HNF1B: variants seen among roughly 807,000 people sequenced by gnomAD.
HNF1B encodes hepatocyte nuclear factor 1-beta.
HNF1B carries 8 observed loss-of-function variants against 61.7 expected under a neutral mutation model. The observed-to-expected ratio is 0.13, with a 90% CI of 0.08 to 0.23. The LOEUF is 0.23. HNF1B is among the 10% of genes least tolerant of loss of function. HNF1B has a pLI of 1.00. For missense variants in HNF1B, 562 were observed against 714.5 expected (o/e 0.79, Z 2.43); for synonymous variants, 314 against 287.7 (o/e 1.09, Z -0.93).
chr17:37,739,516 C>T lies in HNF1B; in HGVS notation c.468G>A (p.Lys156=). 1 of 1,614,102 alleles carries T rather than the reference C, an allele frequency of 6.2e-7. No individual in the cohort carries two copies. Among genetic ancestry groups the T allele is most frequent in the Non-Finnish European group, 8.5e-7 (1 of 1,180,022 alleles). The change falls in exon 2 of 9, where the codon AAG becomes AAA. Residue 156 remains lysine (K), a synonymous_variant. Transcript: ENST00000617811. ...GCTTCTGGGTCTTCATAGGGGTGCC[C>T]TTGTTGAGATGCTGGGAGAGGTGCG... ...NQSHLSQHLN[K]GTPMKTQKRA...
Position 37,733,793 on chromosome 17 carries a change from T to C in HNF1B, c.573A>G (p.Gly191=). 6.2e-7 allele frequency: 1 copy of C among 1,614,210 alleles called. No homozygotes were observed. The highest frequency in any genetic ancestry group is 8.5e-7 in the Non-Finnish European group (1 of 1,180,032). ...CCTGACTGCTTTTGTCTGTCATATT[T>C]CCAGAACTCTGGACTGTCTGGTTGA... The part of the protein sequence containing the change: ...RQFNQTVQSS[G]NMTDKSSQDQ... Residue 191 remains glycine, a synonymous_variant, in exon 3 of 9, where the codon GGA becomes GGG. Coordinates refer to ENST00000617811, the MANE Select transcript of HNF1B (RefSeq NM_000458.4).
At chr17:37,695,482 A>C (rs2032354144) in intron 8 of HNF1B, among the ~76,000 whole-genome samples, 2 of 152,212 alleles carry the variant, frequency 1.3e-5, no homozygotes, top group Non-Finnish European at 2.9e-5. Context: ...CACCCGCCCC[A>C]CACACAGAGT....
chr17:37,733,132 G>A (rs1459087604), intron 3 of HNF1B, among the ~76,000 whole-genome samples: 2 of 152,152 alleles, frequency 1.3e-5, no homozygotes, highest in African/African-American at 4.8e-5. Context: ...CTGTGGCTAA[G>A]GGAAAGTTTT....
chr17:37,740,143 A>G (rs894254576), intron 1 of HNF1B, among the ~76,000 whole-genome samples: 7 of 151,890 alleles, frequency 4.6e-5, no homozygotes, highest in African/African-American at 1.7e-4. Flanking sequence ...TAAATTTTTT[A>G]TTTTTAGTAG....
At chr17:37,708,911 G>T (rs2032840813) in intron 5 of HNF1B, among the ~76,000 whole-genome samples, 1 of 152,132 alleles carries the variant, frequency 6.6e-6, no homozygotes, top group South Asian at 2.1e-4. Flanking sequence ...CCTCCAGGGA[G>T]CCAGGGACTC....
At chr17:37,720,867 C>G (rs2033290578) in intron 4 of HNF1B, 1 of 985,182 alleles carries the variant, frequency 1.0e-6, no homozygotes, top group Admixed American at 6.2e-5. Context: ...GGATGCAAAC[C>G]CTCTAGTTCC....
intron 5 of HNF1B, among the ~76,000 whole-genome samples, chr17:37,709,932 C>T (rs979545099): frequency 6.6e-6 from 1 of 152,132 alleles, no homozygotes; most frequent in Middle Eastern, 3.2e-3. Context: ...TTTCTCCCTC[C>T]CTAAGCATCG....
At chr17:37,707,635 T>C (rs752174073) in intron 5 of HNF1B, among the ~76,000 whole-genome samples, 21 of 152,208 alleles carry the variant, frequency 1.4e-4, no homozygotes, top group Non-Finnish European at 2.5e-4. Flanking sequence ...TTAGAGAAGT[T>C]AAGAAGTGTG....
chr17:37,744,559 T>G lies in HNF1B; in HGVS notation c.326A>C (p.Glu109Ala). The G allele has an allele frequency of 6.2e-7, 1 of 1,603,836 alleles. No homozygotes were observed. The highest frequency in any genetic ancestry group is 8.5e-7 in the Non-Finnish European group (1 of 1,179,854). The change falls in exon 1 of 9, where the codon GAG (glutamate) becomes GCG (alanine). Residue 109 changes from glutamate to alanine, a missense_variant. Around this residue, in one of 6 missense-constraint regions of HNF1B, gnomAD observed 148 missense variants for 147.3 expected, o/e 1.00. Transcript: ENST00000617811. ...NTEEAAEQRA[E>A]VDRMLSEDPW... Reference sequence around the variant, plus strand: ...CGCCTACCTGAGCATCCGGTCCACCTCCGCCCGCTGCTCCGCCGCCTCCTC... The same window carrying G: ...CGCCTACCTGAGCATCCGGTCCACCGCCGCCCGCTGCTCCGCCGCCTCCTC...
At chr17:37,717,282 G>C (rs922143407) in intron 4 of HNF1B, among the ~76,000 whole-genome samples, 3 of 151,992 alleles carry the variant, frequency 2.0e-5, no homozygotes, top group Non-Finnish European at 2.9e-5. Flanking sequence ...ATGTTCCTCT[G>C]GCTGGTGGAC....
intron 8 of HNF1B, among the ~76,000 whole-genome samples, chr17:37,696,904 C>T (rs1317638613): frequency 3.3e-5 from 5 of 152,244 alleles, no homozygotes; most frequent in African/African-American, 4.8e-5. Context: ...TTTTACTTCA[C>T]TGTGCCTTTC....
At chr17:37,691,127 A>G (rs1396171002) in intron 8 of HNF1B, among the ~76,000 whole-genome samples, 1 of 152,202 alleles carries the variant, frequency 6.6e-6, no homozygotes, top group Non-Finnish European at 1.5e-5. Context: ...GCTGTGTCAG[A>G]GACAGAGGTT....
intron 4 of HNF1B, chr17:37,731,206 A>G (rs1484390234): frequency 3.0e-6 from 1 of 336,570 alleles, no homozygotes; most frequent in African/African-American, 2.1e-5. Flanking sequence ...CCGGAGTGCC[A>G]TCCTCCAACA....
chr17:37,708,833 G>A (rs1209757179), intron 5 of HNF1B, among the ~76,000 whole-genome samples: 2 of 152,182 alleles, frequency 1.3e-5, no homozygotes, highest in Non-Finnish European at 2.9e-5. Flanking sequence ...ACCAGGGCAA[G>A]CAGCTCAGGT....
At chr17:37,744,089 T>C (rs1370412634) in intron 1 of HNF1B, among the ~76,000 whole-genome samples, 1 of 152,222 alleles carries the variant, frequency 6.6e-6, no homozygotes. Flanking sequence ...TGCAGGTCAA[T>C]GTGTCCGAGG....
intron 4 of HNF1B, among the ~76,000 whole-genome samples, chr17:37,724,461 TA>T (rs1475276058): frequency 2.0e-5 from 3 of 152,168 alleles, no homozygotes; most frequent in African/African-American, 7.2e-5. Context: ...ATTTGAGAAC[TA>T]TTGTCCTACA....
At chr17:37,723,203 C>T (rs1377742190) in intron 4 of HNF1B, among the ~76,000 whole-genome samples, 3 of 151,704 alleles carry the variant, frequency 2.0e-5, no homozygotes, top group Admixed American at 6.6e-5. Context: ...AAAAATTAGC[C>T]GGGCGTGGTG....
chr17:37,697,032 C>A (rs1399783189), intron 8 of HNF1B, among the ~76,000 whole-genome samples: 1 of 152,098 alleles, frequency 6.6e-6, no homozygotes, highest in Non-Finnish European at 1.5e-5. Context: ...GCAGCAGTTA[C>A]CGTAGAATTT....
chr17:37,717,737 C>T (rs2033171473), intron 4 of HNF1B, among the ~76,000 whole-genome samples: 1 of 152,260 alleles, frequency 6.6e-6, no homozygotes, highest in Non-Finnish European at 1.5e-5. Flanking sequence ...TGAACAATTC[C>T]CTGGCTTGAA....
Sources: gnomAD v4.1 joint callset for allele counts (sites outside exome capture counted in the v4.1 genomes callset) on GRCh38, gnomAD v4.1.1 for gene constraint, gnomAD v4.1.1 regional missense constraint, MANE v1.5 for transcripts, NCBI Gene and HGNC (gene_info 2026-07-23, HGNC 2026-07-21) for gene names.